The following ELAPOR1 variants were observed in gnomAD, a reference collection of about 807,000 sequenced individuals.
The protein encoded by ELAPOR1 is endosome/lysosome-associated apoptosis and autophagy regulator 1.
ELAPOR1 carries 77 observed loss-of-function variants against 119.7 expected under a neutral mutation model. The observed-to-expected ratio is 0.64, with a 90% CI of 0.54 to 0.78. ELAPOR1 has a LOEUF of 0.78. Among genes scored for constraint, ELAPOR1 ranks in the 30% least tolerant of loss-of-function variants. ELAPOR1 has a pLI of 0.00. For missense variants in ELAPOR1, 1,115 were observed against 1,270.4 expected (o/e 0.88, Z 1.86); for synonymous variants, 481 against 487.2 (o/e 0.99, Z 0.17).
rs750551714 is a variant in ELAPOR1 at position 109,164,579 on chromosome 1, G to A, written c.355G>A (p.Gly119Ser). 1.4e-5 allele frequency: 22 copies of A among 1,614,230 alleles called. No homozygotes were observed. The highest frequency in any genetic ancestry group is 2.2e-5 in the East Asian group (1 of 44,892). Residue 119 changes from glycine to serine, a missense_variant, in exon 3 of 22, where the codon GGC becomes AGC. Physicochemically the swap from Gly to Ser is moderately conservative, Grantham distance 56. Transcript: ENST00000369939. ...KPCAEGRYSL[G>S]TGIRFDEWDE... ...ATGCGCTGAGGGCCGCTACTCCCTC[G>A]GCACAGGCATTCGGTTTGATGAGTG...
chr1:109,167,760 C>A (rs1651683811), intron 3 of ELAPOR1, among the ~76,000 whole-genome samples: 1 of 152,166 alleles, frequency 6.6e-6, no homozygotes, highest in South Asian at 2.1e-4. Context: ...CAGGCTCATG[C>A]CACCACACCT....
chr1:109,196,807 C>T (rs181225894), intron 15 of ELAPOR1, among the ~76,000 whole-genome samples: 7 of 152,178 alleles, frequency 4.6e-5, no homozygotes, highest in East Asian at 1.9e-4. Flanking sequence ...CTCAGCCTCC[C>T]GAGTAGCTGG....
intron 15 of ELAPOR1, among the ~76,000 whole-genome samples, chr1:109,197,265 C>A (rs886693144): frequency 3.9e-5 from 6 of 152,050 alleles, no homozygotes; most frequent in African/African-American, 1.4e-4. Context: ...CCAGCCCGGG[C>A]AATAGATCAA....
intron 1 of ELAPOR1, among the ~76,000 whole-genome samples, chr1:109,119,486 CTT>C (rs11331074): frequency 7.5e-4 from 102 of 135,466 alleles, no homozygotes; most frequent in African/African-American, 2.2e-3. Context: ...ACTCAGCCTG[CTT>C]TTTTTTTTTT....
At chr1:109,183,939 T>C (rs1652897435) in intron 7 of ELAPOR1, among the ~76,000 whole-genome samples, 1 of 151,838 alleles carries the variant, frequency 6.6e-6, no homozygotes, top group Non-Finnish European at 1.5e-5. Flanking sequence ...GAGTTAAAGA[T>C]AGTGTTGGGC....
At chr1:109,131,984 G>T (rs1649177272) in intron 1 of ELAPOR1, among the ~76,000 whole-genome samples, 1 of 152,200 alleles carries the variant, frequency 6.6e-6, no homozygotes, top group South Asian at 2.1e-4. Flanking sequence ...TAAGGAGAAA[G>T]ATTAGACTTG....
intron 1 of ELAPOR1, among the ~76,000 whole-genome samples, chr1:109,135,807 G>A (rs1649434858): frequency 6.6e-6 from 1 of 152,132 alleles, no homozygotes; most frequent in Admixed American, 6.5e-5. Flanking sequence ...AGAGTTCATT[G>A]ATTCTACAAA....
At chr1:109,158,681 C>G (rs975935094) in intron 1 of ELAPOR1, among the ~76,000 whole-genome samples, 1 of 152,134 alleles carries the variant, frequency 6.6e-6, no homozygotes, top group African/African-American at 2.4e-5. Flanking sequence ...GAAGGAGTTA[C>G]GTGCTGGATG....
intron 16 of ELAPOR1, 46 bp downstream of exon 16, chr1:109,197,700 T>C (rs753143900): frequency 1.4e-5 from 21 of 1,551,840 alleles, no homozygotes; most frequent in Non-Finnish European, 1.8e-5. Context: ...TGTGTGTGTG[T>C]GTGTGTGTGT....
intron 1 of ELAPOR1, among the ~76,000 whole-genome samples, chr1:109,122,621 A>C (rs1325995954): frequency 6.6e-6 from 1 of 151,944 alleles, no homozygotes; most frequent in Non-Finnish European, 1.5e-5. Flanking sequence ...TGATCAAGCC[A>C]CTACTCTCCA....
At chr1:109,202,308 CAG>C (rs1473502366) in intron 21 of ELAPOR1, among the ~76,000 whole-genome samples, 7 of 151,590 alleles carry the variant, frequency 4.6e-5, no homozygotes, top group Admixed American at 3.9e-4. Context: ...TTAGTAGAGA[CAG>C]GGTTTCACCA....
intron 1 of ELAPOR1, among the ~76,000 whole-genome samples, chr1:109,155,941 A>T (rs1409908867): frequency 6.6e-6 from 1 of 152,182 alleles, no homozygotes; most frequent in Non-Finnish European, 1.5e-5. Context: ...CCAGGAGTTC[A>T]AGACCAGTCT....
chr1:109,148,083 C>T (rs1459481219), intron 1 of ELAPOR1, among the ~76,000 whole-genome samples: 2 of 151,686 alleles, frequency 1.3e-5, no homozygotes, highest in Non-Finnish European at 2.9e-5. Context: ...GTGATCCACC[C>T]GCCTCGGCCT....
At chr1:109,192,131 T>A (rs1024538260) in intron 13 of ELAPOR1, among the ~76,000 whole-genome samples, 3 of 152,228 alleles carry the variant, frequency 2.0e-5, no homozygotes, top group Non-Finnish European at 4.4e-5. Flanking sequence ...TGTTGTTGTT[T>A]TTAATAATAA....
chr1:109,174,961 C>T (rs958359708), intron 7 of ELAPOR1, among the ~76,000 whole-genome samples: 3 of 151,766 alleles, frequency 2.0e-5, no homozygotes, highest in Non-Finnish European at 4.4e-5. Flanking sequence ...GTGATCCGCC[C>T]GCCTCAGCCT....
At chr1:109,174,413 T>TAAAAAAAAAAAAAAAAAA (rs59275691) in intron 7 of ELAPOR1, among the ~76,000 whole-genome samples, 3 of 42,044 alleles carry the variant, frequency 7.1e-5, no homozygotes, top group Admixed American at 4.8e-4. Context: ...ACCCTGTCTC[T>TAAAAAAAAAAAAAAAAAA]AAAAAAAAAA....
In ELAPOR1 at chr1:109,185,075, C is replaced by T. The variant is rs761236745; in HGVS notation, c.983C>T (p.Pro328Leu). 1.9e-6 allele frequency: 3 copies of T among 1,614,104 alleles called. No individual in the cohort carries two copies. Among genetic ancestry groups the T allele is most frequent in the Non-Finnish European group, 2.5e-6 (3 of 1,179,956 alleles). The stretch of plus-strand genomic sequence containing the variant: ...GGATCTTCTTCCTGTAACGTGCGCC[C>T]AGCTTGCACAGACAAAGATTATTTC... The part of the protein sequence containing the change: ...EKGSSSCNVR[P>L]ACTDKDYFYT... Residue 328 changes from proline (P) to leucine (L), a missense_variant, in exon 8 of 22, where the codon CCA becomes CTA. Transcript: ENST00000369939.
chr1:109,162,513 T>C (rs1234496478), intron 2 of ELAPOR1, among the ~76,000 whole-genome samples: 1 of 152,132 alleles, frequency 6.6e-6, no homozygotes, highest in Admixed American at 6.6e-5. Flanking sequence ...GATTGTGCAA[T>C]AGGAAAGGCA....
intron 3 of ELAPOR1, among the ~76,000 whole-genome samples, chr1:109,170,278 C>T (rs138118117): frequency 1.3e-5 from 2 of 152,124 alleles, no homozygotes; most frequent in Admixed American, 6.6e-5. Context: ...GTGGAGGGTA[C>T]GCAGAGGCTT....
Sources: allele counts gnomAD v4.1 joint callset (sites outside exome capture counted in the v4.1 genomes callset), GRCh38; gene constraint gnomAD v4.1.1; transcripts MANE v1.5; gene names NCBI Gene and HGNC (gene_info 2026-07-23, HGNC 2026-07-21).